DTNA: variants seen among roughly 807,000 people sequenced by gnomAD.
The protein encoded by DTNA is dystrophin-related protein 3.
Under a neutral mutation model 100.7 loss-of-function variants are expected in DTNA, and 43 were observed. That is an observed-to-expected ratio of 0.43 (90% CI 0.33 to 0.55). The LOEUF (loss-of-function observed/expected upper bound fraction) is 0.55. Ranked by LOEUF, DTNA falls within the 20% of genes least tolerant of loss-of-function variation. The probability of loss-of-function intolerance (pLI) is 0.04; values close to 1 mark genes in which losing one functional copy is unlikely to be tolerated. For missense variants in DTNA, 798 were observed against 953.9 expected (o/e 0.84, Z 2.15); for synonymous variants, 349 against 347.9 (o/e 1.00, Z -0.04).
At chr18:34,854,348 C>A (rs1230155952) in intron 15 of DTNA, among the ~76,000 whole-genome samples, 1 of 152,132 alleles carries the variant, frequency 6.6e-6, no homozygotes, top group Non-Finnish European at 1.5e-5. Context: ...GAATGTAAAG[C>A]AGTTTTGTTT....
chr18:34,539,529 T>A (rs577012329), intron 1 of DTNA, among the ~76,000 whole-genome samples: 1 of 151,990 alleles, frequency 6.6e-6, no homozygotes, highest in Non-Finnish European at 1.5e-5. Flanking sequence ...GAATCAGAGG[T>A]TCCAGGCAGG....
At chr18:34,884,872 C>A in intron 22 of DTNA, 96 bp downstream of exon 22, 2 of 1,401,178 alleles carry the variant, frequency 1.4e-6, no homozygotes, top group Non-Finnish European at 2.0e-6. Context: ...TTAGTCATTT[C>A]TTTCTATGTG....
chr18:34,512,374 C>T (rs1043960388), intron 1 of DTNA, among the ~76,000 whole-genome samples: 1 of 151,970 alleles, frequency 6.6e-6, no homozygotes, highest in African/African-American at 2.4e-5. Flanking sequence ...AATCATATTT[C>T]TGGCTGTTTT....
At chr18:34,783,249 C>A (rs555930417) in intron 3 of DTNA, among the ~76,000 whole-genome samples, 1 of 152,270 alleles carries the variant, frequency 6.6e-6, no homozygotes, top group East Asian at 1.9e-4. Context: ...ACTGAGTCAA[C>A]AATTTTCATA....
chr18:34,719,350 TA>T (rs1216933845), intron 1 of DTNA, among the ~76,000 whole-genome samples: 1 of 120,628 alleles, frequency 8.3e-6, no homozygotes, highest in Non-Finnish European at 1.8e-5. Context: ...TCTCAAAAAA[TA>T]AAAAAATAAA....
At chr18:34,881,442 T>TTTTTTTTTTTTTTTTTTTTG (rs2096872156) in intron 20 of DTNA, among the ~76,000 whole-genome samples, 1 of 142,194 alleles carries the variant, frequency 7.0e-6, no homozygotes, top group Non-Finnish European at 1.5e-5. Context: ...AAATGCTTTT[T>TTTTTTTTTTTTTTTTTTTTG]TTTTTTTTTT....
chr18:34,569,528 A>C (rs1055308190), intron 1 of DTNA, among the ~76,000 whole-genome samples: 5 of 152,208 alleles, frequency 3.3e-5, no homozygotes. Flanking sequence ...AAGAACCAGA[A>C]AGGATTCATC....
At chr18:34,785,586 G>T (rs1341765611) in intron 3 of DTNA, among the ~76,000 whole-genome samples, 1 of 152,114 alleles carries the variant, frequency 6.6e-6, no homozygotes, top group Non-Finnish European at 1.5e-5. Context: ...TTGTACAAAT[G>T]AAGAAACACT....
chr18:34,593,163 G>A (rs1448353415), intron 1 of DTNA, among the ~76,000 whole-genome samples: 3 of 152,198 alleles, frequency 2.0e-5, no homozygotes, highest in African/African-American at 7.2e-5. Flanking sequence ...CCCACGTAGA[G>A]ACAGGTAAAA....
chr18:34,866,397 A>G, intron 17 of DTNA: 1 of 1,351,778 alleles, frequency 7.4e-7, no homozygotes. Flanking sequence ...TATTGGAAAC[A>G]TTTTAGATCC....
chr18:34,769,286 T>G lies in DTNA; in HGVS notation c.148+3245T>G, dbSNP rs117501640. On this transcript the variant is annotated intron_variant, in intron 3 of 22. Transcript: ENST00000444659. ...TTACATAATTGATCTTGGCTTATCT[T>G]AATCAAAGTTGAAACCTTCCTTCTA... 4.5e-3 allele frequency among the ~76,000 whole-genome samples: 678 copies of G among 152,324 alleles called. 4 individuals are homozygous for G. Among genetic ancestry groups the G allele is most frequent in the South Asian group, 0.017 (82 of 4,828 alleles).
At chr18:34,605,601 T>G (rs1256898803) in intron 1 of DTNA, among the ~76,000 whole-genome samples, 1 of 149,652 alleles carries the variant, frequency 6.7e-6, no homozygotes, top group Non-Finnish European at 1.5e-5. Flanking sequence ...GCCAACAGAT[T>G]TCTTATGCAA....
intron 1 of DTNA, among the ~76,000 whole-genome samples, chr18:34,508,186 G>T (rs967625042): frequency 6.6e-6 from 1 of 152,096 alleles, no homozygotes; most frequent in East Asian, 1.9e-4. Context: ...AATGGATTTT[G>T]TAGCTGTTTT....
intron 13 of DTNA, among the ~76,000 whole-genome samples, chr18:34,842,749 C>A (rs1321559380): frequency 6.6e-6 from 1 of 152,164 alleles, no homozygotes. Flanking sequence ...ATTAAAGACA[C>A]CTCCCCCAGT....
intron 13 of DTNA, among the ~76,000 whole-genome samples, chr18:34,845,045 C>T (rs1568744261): frequency 6.6e-6 from 1 of 152,110 alleles, no homozygotes; most frequent in Non-Finnish European, 1.5e-5. Flanking sequence ...ATTATAAAGT[C>T]CTGAAATGAA....
intron 1 of DTNA, among the ~76,000 whole-genome samples, chr18:34,681,415 T>C (rs1440569000): frequency 2.0e-5 from 3 of 152,086 alleles, no homozygotes; most frequent in Non-Finnish European, 2.9e-5. Flanking sequence ...TATATCTCAA[T>C]GAATTTTCAC....
chr18:34,862,124 C>CAAAAAAAA (rs1002538086), intron 16 of DTNA, among the ~76,000 whole-genome samples: 1 of 56,262 alleles, frequency 1.8e-5, no homozygotes, highest in Non-Finnish European at 3.6e-5. Context: ...CAGACAAGGT[C>CAAAAAAAA]AAAAAAAAAA....
intron 13 of DTNA, among the ~76,000 whole-genome samples, chr18:34,843,516 G>T (rs2096312242): frequency 6.6e-6 from 1 of 152,120 alleles, no homozygotes; most frequent in African/African-American, 2.4e-5. Flanking sequence ...AGCAGGGTTG[G>T]TTTCTCCTGT....
intron 1 of DTNA, among the ~76,000 whole-genome samples, chr18:34,535,710 T>C (rs1328037833): frequency 6.6e-6 from 1 of 152,148 alleles, no homozygotes; most frequent in African/African-American, 2.4e-5. Flanking sequence ...TTTCTGCATA[T>C]GGCTAGCCAG....
Sources: allele counts gnomAD v4.1 joint callset (sites outside exome capture counted in the v4.1 genomes callset), GRCh38; gene constraint gnomAD v4.1.1; transcripts MANE v1.5; gene names NCBI Gene and HGNC (gene_info 2026-07-23, HGNC 2026-07-21).